IFT46: variants seen among roughly 807,000 people sequenced by gnomAD.
IFT46 encodes intraflagellar transport protein 46 homolog.
IFT46 carries 19 observed loss-of-function variants against 39.6 expected under a neutral mutation model. That is an observed-to-expected ratio of 0.48 (90% CI 0.33 to 0.70). The LOEUF is 0.70. Among genes scored for constraint, IFT46 ranks in the 30% least tolerant of loss-of-function variants. IFT46 has a pLI of 0.01. For missense variants in IFT46, 334 were observed against 364.8 expected (o/e 0.92, Z 0.69); for synonymous variants, 117 against 134.8 (o/e 0.87, Z 0.91).
chr11:118,573,902 A>G, upstream of IFT46: 1 of 470,444 alleles, frequency 2.1e-6, no homozygotes, highest in Admixed American at 3.8e-5. Flanking sequence ...GTGATTTTGA[A>G]ACTCAGTTCC....
upstream of IFT46, among the ~76,000 whole-genome samples, chr11:118,570,154 A>G (rs562681787): frequency 1.0e-3 from 154 of 149,076 alleles, 1 homozygote; most frequent in African/African-American, 3.8e-3. Context: ...TCCTAGCTTC[A>G]AGGATTCCCC....
rs530385665 is a variant in IFT46 at position 118,561,522 on chromosome 11, A to G, written c.-35-1658T>C. On this transcript the variant is annotated intron_variant, in intron 2 of 11. Transcript: ENST00000264021. ...ATGTCCCTTGCTCAGAAGAAACATCAGGTAGCTTAAAAGAAGGCAAGCTCC... is the reference window on the plus strand; with the variant it reads ...ATGTCCCTTGCTCAGAAGAAACATCGGGTAGCTTAAAAGAAGGCAAGCTCC... The G allele has an allele frequency of 3.7e-5, 27 of 735,144 alleles. No homozygotes were observed. The Admixed American group carries it at 5.4e-4, about 15-fold the overall frequency. 45.5% of individuals were successfully genotyped at this position (735,144 alleles called of 1,614,324 possible). A position where few individuals can be genotyped will look rare whatever the true frequency, so the allele number is the denominator to read the frequency against.
chr11:118,574,986 T>A (rs1050606822), upstream of IFT46, among the ~76,000 whole-genome samples: 1 of 152,142 alleles, frequency 6.6e-6, no homozygotes, highest in Non-Finnish European at 1.5e-5. Flanking sequence ...TTTTCTTGTT[T>A]GTTTGGTTTT....
chr11:118,551,659 A>T, intron 9 of IFT46, 127 bp downstream of exon 9: 1 of 688,238 alleles, frequency 1.5e-6, no homozygotes, highest in South Asian at 1.9e-5. Context: ...GGGAAGAGCA[A>T]GACCCTGTCT....
rs574521983 is a variant in IFT46, at chr11:118,557,644, G to C, written c.46-599C>G. 1.6e-5 allele frequency: 23 copies of C among 1,431,916 alleles called. No homozygotes were observed. The South Asian group carries it at 2.1e-4, about 13-fold the overall frequency. 88.7% of individuals were successfully genotyped at this position (1,431,916 alleles called of 1,614,324 possible). On this transcript the variant is annotated intron_variant, in intron 3 of 11. Transcript: ENST00000264021. Reference sequence around the variant, plus strand: ...TCTTCATGGAGTATCTGACCTATCTGTATTTCCCTTCCCTTACCCCATAAA... The same window carrying C: ...TCTTCATGGAGTATCTGACCTATCTCTATTTCCCTTCCCTTACCCCATAAA...
upstream of IFT46, among the ~76,000 whole-genome samples, chr11:118,569,525 G>A (rs1555072069): frequency 6.6e-6 from 1 of 152,072 alleles, no homozygotes; most frequent in African/African-American, 2.4e-5. Flanking sequence ...GCTTTCTAAA[G>A]ATTTCTATTA....
At chr11:118,572,289 T>G in intron 1 of IFT46, 1 of 507,118 alleles carries the variant, frequency 2.0e-6, no homozygotes, top group Non-Finnish European at 3.6e-6. Flanking sequence ...CCCCTACACC[T>G]CCTGGGCTTA....
At chr11:118,566,968 C>T (rs1157873273), upstream of IFT46, among the ~76,000 whole-genome samples, 9 of 152,226 alleles carry the variant, frequency 5.9e-5, no homozygotes, top group Non-Finnish European at 2.9e-5. Flanking sequence ...TGCGGTGGCT[C>T]ACACCTGTAA....
chr11:118,545,437 G>A lies in IFT46; in HGVS notation c.791C>T (p.Ser264Phe), dbSNP rs541692586. The A allele has an allele frequency of 4.3e-6, 7 of 1,613,574 alleles. No homozygotes were observed. In the African/African-American group the frequency reaches 5.3e-5, roughly 12 times the overall value. Reference sequence around the variant, plus strand: ...TGAGTTCTTGAATTCTGAGTAGAGGGAAAAGAGCAGATGGAGGGACTGGAT... The same window carrying A: ...TGAGTTCTTGAATTCTGAGTAGAGGAAAAAGAGCAGATGGAGGGACTGGAT... The part of the protein sequence containing the change: ...SRIQSLHLLF[S>F]LYSEFKNSQH... The change falls in exon 11 of 12, where the codon TCC becomes TTC. Residue 264 changes from serine (S) to phenylalanine (F), a missense_variant. Coordinates refer to ENST00000264021, the MANE Select transcript of IFT46 (RefSeq NM_001168618.2).
upstream of IFT46, chr11:118,572,973 A>T (rs1938386335): frequency 4.9e-6 from 1 of 203,952 alleles, no homozygotes; most frequent in Non-Finnish European, 9.8e-6. Flanking sequence ...TGTTAATCAG[A>T]GCTTGTCTCC....
intron 7 of IFT46, 150 bp from the exon 8 acceptor site, chr11:118,552,485 A>C (rs1389360005): frequency 5.4e-6 from 5 of 918,884 alleles, no homozygotes; most frequent in Non-Finnish European, 8.2e-6. Flanking sequence ...AGGGGATAGA[A>C]AACCCTGATA....
chr11:118,552,604 G>A (rs1367249795), intron 7 of IFT46, among the ~76,000 whole-genome samples: 1 of 152,040 alleles, frequency 6.6e-6, no homozygotes, highest in Admixed American at 6.6e-5. Flanking sequence ...ACCAGCCTGG[G>A]CAACATAGTG....
chr11:118,547,565 T>G (rs1951714928), intron 9 of IFT46, among the ~76,000 whole-genome samples: 1 of 151,806 alleles, frequency 6.6e-6, no homozygotes, highest in African/African-American at 2.4e-5. Flanking sequence ...ATTACAGATG[T>G]GCGCCACCAG....
chr11:118,553,040 C>G (rs1179725494), intron 7 of IFT46, among the ~76,000 whole-genome samples: 3 of 151,984 alleles, frequency 2.0e-5, no homozygotes, highest in African/African-American at 7.3e-5. Flanking sequence ...CCCAATCACA[C>G]CACTGCACTC....
At chr11:118,575,411 GGTGTGTGTGTGT>G (rs56934953), upstream of IFT46, among the ~76,000 whole-genome samples, 2 of 149,084 alleles carry the variant, frequency 1.3e-5, no homozygotes, top group South Asian at 2.1e-4. Flanking sequence ...ACTGATAACG[GGTGTGTGTGTGT>G]GTGTGTGTGT....
At position 118,544,699 on chromosome 11, in the gene IFT46, T is replaced by C. The variant is rs782208580; in HGVS notation, c.*217A>G. 2 of 552,532 alleles carry C rather than the reference T, an allele frequency of 3.6e-6. No homozygotes were observed. Among genetic ancestry groups the C allele is most frequent in the Non-Finnish European group, 6.5e-6 (2 of 308,660 alleles). 34.2% of individuals were successfully genotyped at this position (552,532 alleles called of 1,614,324 possible). A position where few individuals can be genotyped will look rare whatever the true frequency, so the allele number is the denominator to read the frequency against. On this transcript the variant is annotated 3_prime_UTR_variant, in exon 12 of 12. Coordinates refer to ENST00000264021, the MANE Select transcript of IFT46 (RefSeq NM_001168618.2). ...TATAACTCAAATCCCCACAGTGGTG[T>C]AGATGCATTAACTCCCCGGGGACAG...
chr11:118,567,499 C>A (rs371025245), upstream of IFT46, among the ~76,000 whole-genome samples: 2 of 152,036 alleles, frequency 1.3e-5, no homozygotes, highest in Non-Finnish European at 2.9e-5. Flanking sequence ...TTGCTTGAAC[C>A]CGGGAGGTGG....
At chr11:118,545,047 G>T in intron 11 of IFT46, 36 bp from the exon 12 acceptor site, 1 of 1,362,712 alleles carries the variant, frequency 7.3e-7, no homozygotes, top group East Asian at 2.3e-5. Flanking sequence ...TGAGTATTAG[G>T]GATATGCTAA....
chr11:118,559,859 G>A lies in IFT46; in HGVS notation c.-30C>T. On this transcript the variant is annotated 5_prime_UTR_variant, in exon 3 of 12. Transcript: ENST00000264021. ...TTGTTAGGAAGATGGGCAGAACGAG[G>A]AAGTCCTTAGAAAAAAAGTTTTTCC... 1 of 1,591,298 alleles carries A rather than the reference G, an allele frequency of 6.3e-7. No individual in the cohort carries two copies. Among genetic ancestry groups the A allele is most frequent in the Non-Finnish European group, 8.6e-7 (1 of 1,162,334 alleles).
Sources: allele counts gnomAD v4.1 joint callset (sites outside exome capture counted in the v4.1 genomes callset), GRCh38; gene constraint gnomAD v4.1.1; transcripts MANE v1.5; gene names NCBI Gene and HGNC (gene_info 2026-07-23, HGNC 2026-07-21).